LARS2: variants seen among roughly 807,000 people sequenced by gnomAD.
The protein encoded by LARS2 is leucyl-tRNA synthetase 2, mitochondrial.
Under a neutral mutation model 116.6 loss-of-function variants are expected in LARS2, and 81 were observed. The observed-to-expected ratio is 0.69, with a 90% CI of 0.58 to 0.84. The LOEUF (loss-of-function observed/expected upper bound fraction) is 0.84. LARS2 is among the 40% of genes least tolerant of loss of function. LARS2 has a pLI of 0.00. For synonymous variants in LARS2, 396 were observed against 407.2 expected (o/e 0.97, Z 0.33); for missense variants, 968 against 1,114.5 (o/e 0.87, Z 1.87).
intron 20 of LARS2, among the ~76,000 whole-genome samples, chr3:45,534,347 G>A (rs1216093895): frequency 4.6e-5 from 7 of 152,158 alleles, no homozygotes; most frequent in Admixed American, 4.6e-4. Context: ...GAGGGTTAAT[G>A]TAACAGAGTG....
chr3:45,449,736 A>C (rs1317105853), intron 7 of LARS2, among the ~76,000 whole-genome samples: 3 of 152,244 alleles, frequency 2.0e-5, no homozygotes, highest in Non-Finnish European at 2.9e-5. Context: ...GGTTTATTTC[A>C]AAATACAAAT....
At chr3:45,487,917 A>G (rs1699843407) in intron 11 of LARS2, among the ~76,000 whole-genome samples, 1 of 152,146 alleles carries the variant, frequency 6.6e-6, no homozygotes, top group Admixed American at 6.5e-5. Flanking sequence ...AGAATGTACT[A>G]TTGCCTTTGG....
At chr3:45,544,863 C>T (rs2125773110) in intron 21 of LARS2, among the ~76,000 whole-genome samples, 1 of 152,250 alleles carries the variant, frequency 6.6e-6, no homozygotes, top group South Asian at 2.1e-4. Flanking sequence ...ATACCAGGAA[C>T]AAACATAGGG....
chr3:45,457,505 C>G (rs536145602), intron 7 of LARS2, among the ~76,000 whole-genome samples: 1 of 152,278 alleles, frequency 6.6e-6, no homozygotes, highest in East Asian at 1.9e-4. Flanking sequence ...ATAGTGAAAT[C>G]TCATCTCTAC....
chr3:45,406,872 T>C (rs368743547), intron 4 of LARS2, among the ~76,000 whole-genome samples: 1 of 152,314 alleles, frequency 6.6e-6, no homozygotes, highest in East Asian at 1.9e-4. Context: ...TGATGACATA[T>C]TTAAAACTTA....
In LARS2 at chr3:45,491,512, G is replaced by A. The variant is rs369752215; in HGVS notation, c.1240-5G>A. ...GGAGTGAGCTTTCTTTTCTTTCCCTGTCAGTTCACAGGTATGACCCGGCAG... is the reference window on the plus strand; with the variant it reads ...GGAGTGAGCTTTCTTTTCTTTCCCTATCAGTTCACAGGTATGACCCGGCAG... On this transcript the variant is annotated splice_polypyrimidine_tract_variant and splice_region_variant and intron_variant, in intron 12 of 21. Transcript: ENST00000645846. 13 of 1,612,668 alleles carry A rather than the reference G, an allele frequency of 8.1e-6. No homozygotes were observed. In the African/African-American group the frequency reaches 1.3e-4, roughly 17 times the overall value.
Position 45,394,661 on chromosome 3 carries a change from C to T in LARS2, c.208C>T (p.Gln70Ter), listed in dbSNP as rs750723957. ...ATGGTGGCATCAACGAATAAAAGAA[C>T]AGGCCTCCAAAATTTCAGAAGCTGA... Reference protein sequence around the residue: ...EKWWHQRIKEQASKISEADKS... With the variant: ...EKWWHQRIKE Residue 70 changes from glutamine (Q) to a stop codon, truncating the protein, a stop_gained, in exon 3 of 22, where the codon CAG becomes TAG. Transcript: ENST00000645846. LOFTEE classifies it high-confidence loss of function. The T allele has an allele frequency of 6.2e-7, 1 of 1,613,632 alleles. No homozygotes were observed. The highest frequency in any genetic ancestry group is 1.1e-5 in the South Asian group (1 of 91,062).
At chr3:45,540,140 C>T (rs372839976) in intron 20 of LARS2, among the ~76,000 whole-genome samples, 2 of 151,754 alleles carry the variant, frequency 1.3e-5, no homozygotes, top group African/African-American at 4.8e-5. Flanking sequence ...GCGCCTGTAA[C>T]CCCAGCTACT....
intron 4 of LARS2, among the ~76,000 whole-genome samples, chr3:45,412,306 CAA>C (rs1305094916): frequency 6.6e-6 from 1 of 152,014 alleles, no homozygotes; most frequent in African/African-American, 2.4e-5. Context: ...ACGCTCCCAC[CAA>C]GAGTGTGTAA....
At chr3:45,527,379 CT>C (rs1158893451) in intron 20 of LARS2, among the ~76,000 whole-genome samples, 1 of 152,168 alleles carries the variant, frequency 6.6e-6, no homozygotes, top group African/African-American at 2.4e-5. Context: ...AATCCCAACA[CT>C]TTGGGAGGCC....
rs541530448 is a variant in LARS2 at position 45,521,001 on chromosome 3, C to T, written c.2292+705C>T. ...CCAGGAGTTCAAGACCTGCCTGGGC[C>T]GCGTAGAAAATAAAATAATTAGGCC... On this transcript the variant is annotated intron_variant, in intron 19 of 21. Coordinates refer to ENST00000645846, the MANE Select transcript of LARS2 (RefSeq NM_015340.4). Among the ~76,000 whole-genome samples the T allele has an allele frequency of 5.9e-5, 9 of 152,056 alleles. 1 individual carries two copies. In the South Asian group the frequency reaches 8.3e-4, roughly 14 times the overall value.
At chr3:45,389,329 C>T (rs1451733686) in intron 1 of LARS2, among the ~76,000 whole-genome samples, 1 of 152,004 alleles carries the variant, frequency 6.6e-6, no homozygotes, top group Non-Finnish European at 1.5e-5. Flanking sequence ...CTTAGATCAT[C>T]CCACACACGC....
At chr3:45,460,024 A>G (rs759410764) in intron 8 of LARS2, among the ~76,000 whole-genome samples, 3 of 152,202 alleles carry the variant, frequency 2.0e-5, no homozygotes, top group Non-Finnish European at 4.4e-5. Context: ...AAGGTTCTCA[A>G]TATCCCATGG....
intron 12 of LARS2, among the ~76,000 whole-genome samples, chr3:45,489,400 A>G (rs1054162441): frequency 1.3e-5 from 2 of 152,280 alleles, no homozygotes; most frequent in African/African-American, 4.8e-5. Flanking sequence ...AGCACACATC[A>G]GAGTCCCCTG....
At chr3:45,504,446 A>C (rs1407168036) in intron 15 of LARS2, among the ~76,000 whole-genome samples, 2 of 152,080 alleles carry the variant, frequency 1.3e-5, no homozygotes, top group African/African-American at 2.4e-5. Flanking sequence ...TACTGTACAG[A>C]AAATTAATTT....
At chr3:45,513,654 G>A (rs770280347) in intron 16 of LARS2, among the ~76,000 whole-genome samples, 19 of 152,184 alleles carry the variant, frequency 1.2e-4, no homozygotes, top group Middle Eastern at 6.8e-3. Context: ...AGAACCTTGG[G>A]GGGCAGCACT....
chr3:45,529,550 C>CAA (rs796789532), intron 20 of LARS2, among the ~76,000 whole-genome samples: 30 of 97,132 alleles, frequency 3.1e-4, no homozygotes, highest in African/African-American at 8.0e-4. Flanking sequence ...ACTCCATCTC[C>CAA]AAAAAAAAAA....
intron 10 of LARS2, among the ~76,000 whole-genome samples, chr3:45,478,741 A>G (rs1699653983): frequency 6.6e-6 from 1 of 152,224 alleles, no homozygotes; most frequent in Non-Finnish European, 1.5e-5. Flanking sequence ...TTTTCAGAGT[A>G]GAAATACTCT....
intron 12 of LARS2, among the ~76,000 whole-genome samples, chr3:45,490,542 A>G (rs1250376176): frequency 6.6e-6 from 1 of 152,254 alleles, no homozygotes; most frequent in Non-Finnish European, 1.5e-5. Context: ...AGAGCTTTTT[A>G]TGATTTGCAT....
Sources: gnomAD v4.1 joint callset for allele counts (sites outside exome capture counted in the v4.1 genomes callset) on GRCh38, gnomAD v4.1.1 for gene constraint, MANE v1.5 for transcripts, NCBI Gene and HGNC (gene_info 2026-07-23, HGNC 2026-07-21) for gene names.